NRG3: variants seen among roughly 807,000 people sequenced by gnomAD.
NRG3 encodes the protein pro-neuregulin-3, membrane-bound isoform.
In NRG3, 31 loss-of-function variants were observed where a neutral mutation model predicts 66.9. That is an observed-to-expected ratio of 0.46 (90% CI 0.35 to 0.63). The LOEUF (loss-of-function observed/expected upper bound fraction) is 0.63. Among genes scored for constraint, NRG3 ranks in the 20% least tolerant of loss-of-function variants. The probability of loss-of-function intolerance (pLI) is 0.00; values close to 1 mark genes in which losing one functional copy is unlikely to be tolerated. For synonymous variants in NRG3, 393 were observed against 359.4 expected, an observed-to-expected ratio of 1.09 and a Z score of -1.06; for missense variants, 910 against 878.9, an observed-to-expected ratio of 1.04 and a Z score of -0.45.
intron 1 of NRG3, among the ~76,000 whole-genome samples, chr10:82,125,803 G>A (rs147157469): frequency 3.3e-5 from 5 of 152,056 alleles, no homozygotes; most frequent in African/African-American, 1.2e-4. Flanking sequence ...ATACTGCCCA[G>A]ATTTGTGTAA....
intron 2 of NRG3, among the ~76,000 whole-genome samples, chr10:82,706,529 G>C (rs529921424): frequency 4.6e-5 from 7 of 152,052 alleles, no homozygotes; most frequent in Non-Finnish European, 7.3e-5. Flanking sequence ...TCCTGGACAA[G>C]TACTTGTATA....
intron 2 of NRG3, among the ~76,000 whole-genome samples, chr10:82,738,078 TA>T (rs35993172): frequency 8.1e-5 from 12 of 147,650 alleles, no homozygotes; most frequent in Admixed American, 6.8e-5. Flanking sequence ...ACTAAGAGGT[TA>T]AAAAAAAAAA....
chr10:82,020,576 A>T (rs945324374), intron 1 of NRG3, among the ~76,000 whole-genome samples: 1 of 152,142 alleles, frequency 6.6e-6, no homozygotes, highest in African/African-American at 2.4e-5. Flanking sequence ...AGAGACTTTT[A>T]CCAGATTTCA....
At chr10:82,752,757 T>C (rs1256237195) in intron 3 of NRG3, among the ~76,000 whole-genome samples, 1 of 152,212 alleles carries the variant, frequency 6.6e-6, no homozygotes, top group East Asian at 1.9e-4. Context: ...GCTGCCTTGC[T>C]TCTTCCACCA....
chr10:82,196,231 A>T (rs1235194639), intron 1 of NRG3, among the ~76,000 whole-genome samples: 1 of 152,160 alleles, frequency 6.6e-6, no homozygotes, highest in African/African-American at 2.4e-5. Context: ...CAGTAAGGGG[A>T]TACTAAATAG....
At chr10:82,911,627 A>AT (rs1050935170) in intron 4 of NRG3, among the ~76,000 whole-genome samples, 5 of 151,134 alleles carry the variant, frequency 3.3e-5, no homozygotes, top group Non-Finnish European at 5.9e-5. Context: ...GTCTTCTTTC[A>AT]TTTTTTTCTT....
intron 1 of NRG3, among the ~76,000 whole-genome samples, chr10:82,280,122 T>G (rs2134428071): frequency 6.6e-6 from 1 of 152,174 alleles, no homozygotes; most frequent in East Asian, 1.9e-4. Flanking sequence ...GGAAGTGGGA[T>G]AGTAGGGGTC....
intron 2 of NRG3, among the ~76,000 whole-genome samples, chr10:82,497,588 T>C (rs551192915): frequency 6.6e-6 from 1 of 151,324 alleles, no homozygotes; most frequent in South Asian, 2.1e-4. Flanking sequence ...TGTGTGTGTA[T>C]GTGTGTGTGT....
chr10:82,590,540 G>C (rs998159315), intron 2 of NRG3, among the ~76,000 whole-genome samples: 1 of 152,100 alleles, frequency 6.6e-6, no homozygotes. Context: ...TCTACCACGG[G>C]CTTGTTAGAA....
At chr10:81,903,149 T>C (rs1844242600) in intron 1 of NRG3, among the ~76,000 whole-genome samples, 1 of 152,186 alleles carries the variant, frequency 6.6e-6, no homozygotes, top group Non-Finnish European at 1.5e-5. Context: ...ACTTATACTC[T>C]AAAATATCTC....
At chr10:82,739,200 A>C in intron 3 of NRG3, among the ~76,000 whole-genome samples, 1 of 152,180 alleles carries the variant, frequency 6.6e-6, no homozygotes, top group East Asian at 1.9e-4. Flanking sequence ...TTCTCCATTC[A>C]TGGAAGAAGA....
chr10:82,364,039 C>G (rs2084362877), intron 2 of NRG3, among the ~76,000 whole-genome samples: 1 of 152,070 alleles, frequency 6.6e-6, no homozygotes. Context: ...CTATTTCCTT[C>G]TTTCAACTTG....
chr10:82,045,394 G>A (rs1197505543), intron 1 of NRG3, among the ~76,000 whole-genome samples: 4 of 100,282 alleles, frequency 4.0e-5, no homozygotes, highest in Middle Eastern at 4.2e-3. Context: ...CATATCCTTC[G>A]CCCACTTTTT....
chr10:82,175,204 G>T (rs1308281323), intron 1 of NRG3, among the ~76,000 whole-genome samples: 1 of 152,092 alleles, frequency 6.6e-6, no homozygotes, highest in Non-Finnish European at 1.5e-5. Context: ...CAGGCAAGAG[G>T]GGATGATTGG....
At chr10:82,581,196 A>G (rs1379069421) in intron 2 of NRG3, among the ~76,000 whole-genome samples, 2 of 151,980 alleles carry the variant, frequency 1.3e-5, no homozygotes, top group Non-Finnish European at 2.9e-5. Context: ...GATGTTGGGT[A>G]TATTTTCATA....
intron 3 of NRG3, among the ~76,000 whole-genome samples, chr10:82,828,936 A>G (rs548315629): frequency 3.7e-4 from 57 of 152,346 alleles, no homozygotes; most frequent in African/African-American, 1.3e-3. Context: ...AATATATTCT[A>G]TAACAGTTCC....
chr10:82,902,014 T>G (rs988931645), intron 4 of NRG3, among the ~76,000 whole-genome samples: 1 of 152,204 alleles, frequency 6.6e-6, no homozygotes, highest in Non-Finnish European at 1.5e-5. Context: ...CATAAATGGA[T>G]AGGTAAATAT....
At position 82,099,891 on chromosome 10, in the gene NRG3, G is replaced by A. The variant is rs576938642; in HGVS notation, c.823+223728G>A. Among the ~76,000 whole-genome samples, 12 of 151,988 alleles carry A rather than the reference G, an allele frequency of 7.9e-5. No individual in the cohort carries two copies. The South Asian group carries it at 2.5e-3, about 32-fold the overall frequency. ...CCTAGATGCTTGGAAGTTTGATGGGGGAGGGTTGCTTGAGCCCAGGAGTTC... is the reference window on the plus strand; with the variant it reads ...CCTAGATGCTTGGAAGTTTGATGGGAGAGGGTTGCTTGAGCCCAGGAGTTC... On this transcript the variant is annotated intron_variant, in intron 1 of 8. Coordinates refer to ENST00000372141, the MANE Select transcript of NRG3 (RefSeq NM_001010848.4).
chr10:81,900,352 T>G (rs1264028842), intron 1 of NRG3, among the ~76,000 whole-genome samples: 1 of 151,894 alleles, frequency 6.6e-6, no homozygotes, highest in African/African-American at 2.4e-5. Context: ...CCTAGCTAAC[T>G]TGGCAAAATA....
Sources: gnomAD v4.1 joint callset for allele counts (sites outside exome capture counted in the v4.1 genomes callset) on GRCh38, gnomAD v4.1.1 for gene constraint, MANE v1.5 for transcripts, NCBI Gene and HGNC (gene_info 2026-07-23, HGNC 2026-07-21) for gene names.